The following DMD variants were observed in gnomAD, a reference collection of about 807,000 sequenced individuals.
The protein encoded by DMD is mutant dystrophin.
DMD carries 63 observed loss-of-function variants against 330.1 expected under a neutral mutation model. That is an observed-to-expected ratio of 0.19 (90% CI 0.16 to 0.24). DMD has a LOEUF of 0.24. DMD is among the 10% of genes least tolerant of loss of function. DMD has a pLI of 1.00. For missense variants in DMD, 3,344 were observed against 2,684.1 expected (o/e 1.25, Z -5.43); for synonymous variants, 1,223 against 959.8 (o/e 1.27, Z -5.07).
At chrX:32,339,067 G>T (rs1392618350) in intron 41 of DMD, among the ~76,000 whole-genome samples, 3 of 111,867 alleles carry the variant, frequency 2.7e-5, no homozygotes, top group African/African-American at 9.7e-5. Context: ...AGGAGACGAA[G>T]AAAACTTTCA....
chrX:31,272,773 T>G (rs1244234142), intron 62 of DMD, among the ~76,000 whole-genome samples: 1 of 111,619 alleles, frequency 9.0e-6, no homozygotes, highest in Non-Finnish European at 1.9e-5. Context: ...GGGAGGATGT[T>G]GAAAGATTCC....
rs886042277 is a variant in DMD, at chrX:32,501,845, G to A, written c.2293-3C>T. On this transcript the variant is annotated splice_polypyrimidine_tract_variant and splice_region_variant and intron_variant, in intron 18 of 78. Coordinates refer to ENST00000357033, the MANE Select transcript of DMD (RefSeq NM_004006.3). ...TCAGCTTTTTCTCGCTCTATGGCCT[G>A]CAGCATGAGAGCAAAGATGAGTAAT... 1.7e-6 allele frequency: 2 copies of A among 1,186,520 alleles called. No homozygotes were observed. The highest frequency in any genetic ancestry group is 2.3e-6 in the Non-Finnish European group (2 of 875,347).
At chrX:32,760,975 A>G (rs759003248) in intron 7 of DMD, among the ~76,000 whole-genome samples, 2 of 110,954 alleles carry the variant, frequency 1.8e-5, no homozygotes, top group East Asian at 5.7e-4. Flanking sequence ...ATTTCTACCT[A>G]TCAAGGCCTT....
intron 62 of DMD, among the ~76,000 whole-genome samples, chrX:31,301,213 A>G (rs183118520): frequency 1.8e-4 from 20 of 111,767 alleles, no homozygotes; most frequent in African/African-American, 6.5e-4. Flanking sequence ...AAGCCTCCCC[A>G]ACACCCTCTG....
chrX:32,788,403 G>C (rs2075568745), intron 7 of DMD, among the ~76,000 whole-genome samples: 1 of 111,858 alleles, frequency 8.9e-6, no homozygotes, highest in Admixed American at 9.5e-5. Flanking sequence ...CAGCTATATG[G>C]AGCACATTTG....
chrX:32,892,702 CCTTT>C (rs2085332024), intron 2 of DMD, among the ~76,000 whole-genome samples: 1 of 111,918 alleles, frequency 8.9e-6, no homozygotes, highest in Non-Finnish European at 1.9e-5. Flanking sequence ...TCTAATGCCC[CCTTT>C]CTTTCATAAC....
At chrX:31,982,805 G>A (rs1184147865) in intron 44 of DMD, among the ~76,000 whole-genome samples, 1 of 108,230 alleles carries the variant, frequency 9.2e-6, no homozygotes, top group East Asian at 3.0e-4. Flanking sequence ...ATCAGCACCT[G>A]TAGACATAAT....
intron 7 of DMD, among the ~76,000 whole-genome samples, chrX:32,808,290 T>G (rs1603431465): frequency 1.8e-5 from 2 of 112,235 alleles, no homozygotes; most frequent in South Asian, 3.7e-4. Context: ...GATCCCAACT[T>G]CACAAACTAA....
At chrX:31,935,043 G>A (rs2094906205) in intron 45 of DMD, among the ~76,000 whole-genome samples, 1 of 111,846 alleles carries the variant, frequency 8.9e-6, no homozygotes, top group African/African-American at 3.3e-5. Flanking sequence ...GAAAGCCAAA[G>A]GAATGCCTAC....
intron 2 of DMD, among the ~76,000 whole-genome samples, chrX:32,977,600 T>A (rs745717664): frequency 9.0e-6 from 1 of 111,600 alleles, no homozygotes; most frequent in Non-Finnish European, 1.9e-5. Context: ...TATAATAGAC[T>A]CTTCCTTCCT....
At chrX:33,102,702 A>G (rs2095250964) in intron 1 of DMD, among the ~76,000 whole-genome samples, 1 of 111,789 alleles carries the variant, frequency 8.9e-6, no homozygotes, top group African/African-American at 3.2e-5. Context: ...GAGTCCATTC[A>G]GTCTTATAAG....
intron 7 of DMD, among the ~76,000 whole-genome samples, chrX:32,702,893 T>C (rs1270691229): frequency 1.8e-5 from 2 of 111,225 alleles, no homozygotes; most frequent in Non-Finnish European, 3.8e-5. Flanking sequence ...AAACTGACAA[T>C]AAAACAAAGG....
At chrX:33,249,150 TTTTA>T (rs1291981955) in intron 1 of DMD, among the ~76,000 whole-genome samples, 1 of 112,258 alleles carries the variant, frequency 8.9e-6, no homozygotes, top group Non-Finnish European at 1.9e-5. Context: ...ATTTATTTAT[TTTTA>T]TTTATTTATT....
chrX:32,277,054 A>G (rs1209481435), intron 43 of DMD, among the ~76,000 whole-genome samples: 1 of 111,631 alleles, frequency 9.0e-6, no homozygotes, highest in Admixed American at 9.5e-5. Flanking sequence ...CTCTTCACCT[A>G]TAAAGCTACA....
intron 44 of DMD, among the ~76,000 whole-genome samples, chrX:32,069,833 G>A: frequency 9.0e-6 from 1 of 111,472 alleles, no homozygotes; most frequent in Non-Finnish European, 1.9e-5. Context: ...GACATCTGAT[G>A]GGAAGACTTG....
intron 62 of DMD, among the ~76,000 whole-genome samples, chrX:31,312,938 C>T (rs1475243581): frequency 8.2e-5 from 9 of 110,265 alleles, no homozygotes; most frequent in Non-Finnish European, 1.1e-4. Context: ...AAACAATGCA[C>T]ACCAGGGCCT....
At chrX:33,072,279 G>T (rs1054717578) in intron 1 of DMD, among the ~76,000 whole-genome samples, 1 of 111,653 alleles carries the variant, frequency 9.0e-6, no homozygotes, top group African/African-American at 3.3e-5. Flanking sequence ...TTAGCCAGGT[G>T]TGGTCGCAGG....
intron 1 of DMD, among the ~76,000 whole-genome samples, chrX:33,224,821 A>G (rs1271397710): frequency 9.0e-6 from 1 of 111,407 alleles, no homozygotes; most frequent in East Asian, 2.8e-4. Flanking sequence ...GTGCGGGCAC[A>G]ATGGGTAGAT....
At chrX:31,682,384 CATT>C (rs759408345) in intron 52 of DMD, among the ~76,000 whole-genome samples, 109 of 111,485 alleles carry the variant, frequency 9.8e-4, no homozygotes, top group African/African-American at 3.1e-3. Flanking sequence ...TTGTGTGTCT[CATT>C]GTTGTTGTTC....
Sources: allele counts gnomAD v4.1 joint callset (sites outside exome capture counted in the v4.1 genomes callset), GRCh38; gene constraint gnomAD v4.1.1; transcripts MANE v1.5; gene names NCBI Gene and HGNC (gene_info 2026-07-23, HGNC 2026-07-21).